The following RC3H1 variants were observed in gnomAD, a reference collection of about 807,000 sequenced individuals.
RC3H1 encodes the protein ring finger and CCCH-type domains 1.
In RC3H1, 50 loss-of-function variants were observed where a neutral mutation model predicts 138.2. That is an observed-to-expected ratio of 0.36 (90% CI 0.29 to 0.46). The LOEUF is 0.46. RC3H1 is among the 20% of genes least tolerant of loss of function. The probability of loss-of-function intolerance (pLI) is 1.00; values close to 1 mark genes in which losing one functional copy is unlikely to be tolerated. For synonymous variants in RC3H1, 462 were observed against 489.1 expected, an observed-to-expected ratio of 0.94 and a Z score of 0.73; for missense variants, 1,031 against 1,388.1, an observed-to-expected ratio of 0.74 and a Z score of 4.09.
intron 1 of RC3H1, among the ~76,000 whole-genome samples, chr1:174,011,767 T>C (rs1029149578): frequency 6.6e-6 from 1 of 152,150 alleles, no homozygotes; most frequent in African/African-American, 2.4e-5. Context: ...TAGTAACCAA[T>C]TTGGGTTCTA....
intron 1 of RC3H1, among the ~76,000 whole-genome samples, chr1:174,017,783 CAAAAAAAAAAAAAAAA>C (rs61239660): frequency 1.4e-5 from 1 of 72,038 alleles, no homozygotes; most frequent in African/African-American, 5.7e-5. Flanking sequence ...TTTTCTTGCT[CAAAAAAAAAAAAAAAA>C]AAAAAAAAAA....
intron 19 of RC3H1, among the ~76,000 whole-genome samples, chr1:173,940,343 T>C (rs1210222931): frequency 6.6e-6 from 1 of 151,968 alleles, no homozygotes; most frequent in African/African-American, 2.4e-5. Context: ...TGGTGGTGCA[T>C]GCCTATAATC....
At chr1:173,975,148 T>C (rs988742423) in intron 7 of RC3H1, among the ~76,000 whole-genome samples, 9 of 152,034 alleles carry the variant, frequency 5.9e-5, no homozygotes, top group African/African-American at 2.2e-4. Flanking sequence ...CAGGCTGGAG[T>C]GCAGTGGCAT....
chr1:173,966,080 C>T (rs1185343243), intron 9 of RC3H1, among the ~76,000 whole-genome samples: 2 of 152,050 alleles, frequency 1.3e-5, no homozygotes, highest in Non-Finnish European at 2.9e-5. Context: ...GCAGAGGTTG[C>T]AGTGAGCCAA....
At chr1:173,957,287 C>G (rs1659689289) in intron 13 of RC3H1, among the ~76,000 whole-genome samples, 1 of 152,072 alleles carries the variant, frequency 6.6e-6, no homozygotes, top group Non-Finnish European at 1.5e-5. Flanking sequence ...CTTCACCACA[C>G]CACTATGAGG....
Position 173,936,429 on chromosome 1 carries a change from G to T in RC3H1, c.*2292C>A. On this transcript the variant is annotated 3_prime_UTR_variant, in exon 20 of 20. Transcript: ENST00000367696. ...CTCAGGAGGCTGAGGCAGGAGAATC[G>T]CTTGAACCCGGGAGGTGGAGGTTGT... 1 of 143,192 alleles carries T rather than the reference G, an allele frequency of 7.0e-6. No individual in the cohort carries two copies. The highest frequency in any genetic ancestry group is 2.2e-4 in the South Asian group (1 of 4,558). The allele number at this position is 143,192 out of a possible 1,614,324, so 8.9% of individuals were successfully genotyped here.
At position 173,962,116 on chromosome 1, in the gene RC3H1, C is replaced by A. The variant is rs755086969; in HGVS notation, c.1832-21G>T. 4 of 1,553,946 alleles carry A rather than the reference C, an allele frequency of 2.6e-6. No individual in the cohort carries two copies. In the East Asian group the frequency reaches 9.1e-5, roughly 35 times the overall value. On this transcript the variant is annotated intron_variant, in intron 11 of 19. Coordinates refer to ENST00000367696, the MANE Select transcript of RC3H1 (RefSeq NM_172071.4). ...CATACCTGCACAATACAAAAGAGGA[C>A]CCAAAAGCAAATAATGAGCCAATTT...
At chr1:173,971,017 A>AG (rs1660335759) in intron 8 of RC3H1, among the ~76,000 whole-genome samples, 6 of 145,744 alleles carry the variant, frequency 4.1e-5, no homozygotes, top group Non-Finnish European at 8.9e-5. Context: ...GCTGGAGGGC[A>AG]GCGGCGCAAT....
At chr1:173,991,219 GA>G (rs902194119) in intron 2 of RC3H1, among the ~76,000 whole-genome samples, 11 of 151,860 alleles carry the variant, frequency 7.2e-5, no homozygotes, top group African/African-American at 2.7e-4. Context: ...GACAGAGCAA[GA>G]AAAAAAGAAA....
rs761159985 is a variant in RC3H1, at chr1:173,983,414, G to A, written c.592+4C>T. 6.8e-6 allele frequency: 11 copies of A among 1,613,890 alleles called. No individual in the cohort carries two copies. The highest frequency in any genetic ancestry group is 1.6e-4 in the Middle Eastern group (1 of 6,080). On this transcript the variant is annotated splice_donor_region_variant and intron_variant, in intron 4 of 19. Transcript: ENST00000367696. Reference sequence around the variant, plus strand: ...AGAATAAATACCTAAAGTTAATTATGTACCTGGTCCAAGGAACTGGCATCC... The same window carrying A: ...AGAATAAATACCTAAAGTTAATTATATACCTGGTCCAAGGAACTGGCATCC...
chr1:173,994,882 T>C (rs1404787605), intron 1 of RC3H1, among the ~76,000 whole-genome samples: 2 of 152,066 alleles, frequency 1.3e-5, no homozygotes, highest in Non-Finnish European at 2.9e-5. Flanking sequence ...AAATGTTTTA[T>C]TGGTCTTTAC....
chr1:174,006,194 G>A (rs779358823), intron 1 of RC3H1, among the ~76,000 whole-genome samples: 2 of 152,090 alleles, frequency 1.3e-5, no homozygotes, highest in African/African-American at 4.8e-5. Context: ...GAACAAGAGC[G>A]AAACTCCATC....
chr1:173,966,756 C>G (rs534751545), intron 9 of RC3H1, among the ~76,000 whole-genome samples: 2 of 151,910 alleles, frequency 1.3e-5, no homozygotes, highest in African/African-American at 2.4e-5. Context: ...TAAATAAAAC[C>G]CCATCAGAGT....
intron 7 of RC3H1, among the ~76,000 whole-genome samples, chr1:173,974,094 G>A (rs1660472480): frequency 6.6e-6 from 1 of 151,824 alleles, no homozygotes; most frequent in Admixed American, 6.6e-5. Flanking sequence ...GGGATTACAG[G>A]CATGAGCCAC....
intron 1 of RC3H1, among the ~76,000 whole-genome samples, chr1:174,011,206 TAAG>T (rs1661742146): frequency 6.6e-6 from 1 of 151,710 alleles, no homozygotes; most frequent in South Asian, 2.1e-4. Context: ...ACCTACAAAA[TAAG>T]AAGACATTTC....
At chr1:174,014,845 G>T (rs1270340735) in intron 1 of RC3H1, among the ~76,000 whole-genome samples, 1 of 151,896 alleles carries the variant, frequency 6.6e-6, no homozygotes, top group Non-Finnish European at 1.5e-5. Context: ...TTTTAGCGAG[G>T]TCTATATTCT....
intron 14 of RC3H1, among the ~76,000 whole-genome samples, chr1:173,949,130 G>T (rs767114540): frequency 0.02 from 618 of 31,262 alleles, 1 homozygote; most frequent in Middle Eastern, 0.04. Context: ...CTATTTTTTT[G>T]GGGGGGGGGG....
intron 1 of RC3H1, among the ~76,000 whole-genome samples, chr1:174,007,082 T>C (rs1464508569): frequency 1.3e-5 from 2 of 152,090 alleles, no homozygotes; most frequent in African/African-American, 2.4e-5. Flanking sequence ...AGGTTAGTTT[T>C]GCCCGGTTTA....
rs753339177 is a variant in RC3H1 at position 173,937,677 on chromosome 1, C to A, written c.*1044G>T. The A allele has an allele frequency of 3.9e-5, 6 of 152,168 alleles. No individual in the cohort carries two copies. Among genetic ancestry groups the A allele is most frequent in the Non-Finnish European group, 8.8e-5 (6 of 68,022 alleles). The allele number at this position is 152,168 out of a possible 1,614,324, so 9.4% of individuals were successfully genotyped here. On this transcript the variant is annotated 3_prime_UTR_variant, in exon 20 of 20. Transcript: ENST00000367696. ...ATCAATTCATAAACTATCCTTAAGA[C>A]TCAATCAGTTCACAAGTAAAACAAA...
Sources: gnomAD v4.1 joint callset for allele counts (sites outside exome capture counted in the v4.1 genomes callset) on GRCh38, gnomAD v4.1.1 for gene constraint, MANE v1.5 for transcripts, NCBI Gene and HGNC (gene_info 2026-07-23, HGNC 2026-07-21) for gene names.